Variants in LOC400499 observed in about 807,000 individuals in gnomAD.
At chr16:11,488,829 C>G in the LOC400499 span, 43 of 398,898 alleles carry the variant, frequency 1.1e-4, no homozygotes, top group African/African-American at 7.4e-4. Flanking sequence ...TCGTGCGTCT[C>G]CAGCAGCTGC....
chr16:11,402,051 C>T, the LOC400499 span: 6 of 399,192 alleles, frequency 1.5e-5, no homozygotes, highest in South Asian at 3.8e-4. Flanking sequence ...TCCCTGCCAT[C>T]CCAGCCGACA....
the LOC400499 span, among the ~76,000 whole-genome samples, chr16:11,491,404 G>A: frequency 3.3e-5 from 5 of 152,112 alleles, no homozygotes; most frequent in Non-Finnish European, 7.3e-5. Context: ...AGCTAAAAGA[G>A]GCCTCACTGA....
the LOC400499 span, among the ~76,000 whole-genome samples, chr16:11,508,125 C>T: frequency 6.6e-6 from 1 of 152,142 alleles, no homozygotes; most frequent in Admixed American, 6.6e-5. Context: ...ACTTTCCTCC[C>T]CCAGGGACTG....
At chr16:11,468,206 G>A in the LOC400499 span, among the ~76,000 whole-genome samples, 58,995 of 152,148 alleles carry the variant, frequency 0.39, 12,713 homozygotes, top group Non-Finnish European at 0.5. Context: ...CACAGTTAGC[G>A]TACTTTGTTA....
chr16:11,435,779 C>T, the LOC400499 span: 1 of 399,580 alleles, frequency 2.5e-6, no homozygotes, highest in Non-Finnish European at 4.4e-6. Flanking sequence ...AGTGTCCTGG[C>T]TGGCGTCGAC....
chr16:11,414,647 G>T, the LOC400499 span: 1 of 398,128 alleles, frequency 2.5e-6, no homozygotes, highest in South Asian at 1.4e-4. Context: ...GGCTGCCACA[G>T]CGTGGGTGCT....
At chr16:11,404,275 G>A in the LOC400499 span, among the ~76,000 whole-genome samples, 4 of 152,202 alleles carry the variant, frequency 2.6e-5, no homozygotes, top group Admixed American at 6.5e-5. Flanking sequence ...CTGTCTCCCT[G>A]AGGGGTGACA....
the LOC400499 span, among the ~76,000 whole-genome samples, chr16:11,435,188 G>C: frequency 2.0e-5 from 3 of 151,812 alleles, no homozygotes; most frequent in Admixed American, 6.6e-5. Context: ...ATGTTGTCCA[G>C]ACTGGTCTTG....
At chr16:11,396,666 C>T in the LOC400499 span, 1 of 1,231,894 alleles carries the variant, frequency 8.1e-7, no homozygotes, top group East Asian at 3.2e-5. Context: ...TCCCCGACGA[C>T]CAAGAGGGCC....
the LOC400499 span, chr16:11,478,684 A>T: frequency 2.5e-6 from 1 of 399,042 alleles, no homozygotes; most frequent in Admixed American, 4.4e-5. Flanking sequence ...CCTCCGGGTC[A>T]CCTGGGGGAG....
the LOC400499 span, chr16:11,523,681 A>G: frequency 2.7e-6 from 1 of 376,826 alleles, no homozygotes; most frequent in African/African-American, 2.1e-5. Flanking sequence ...GCTCTTGTTC[A>G]TCTTGGGTAC....
the LOC400499 span, among the ~76,000 whole-genome samples, chr16:11,520,049 A>G: frequency 6.6e-6 from 1 of 152,174 alleles, no homozygotes; most frequent in Non-Finnish European, 1.5e-5. Flanking sequence ...GCAAGTTCAT[A>G]GAGACAGAAA....
the LOC400499 span, chr16:11,424,991 G>A: frequency 8.6e-5 from 34 of 397,438 alleles, no homozygotes; most frequent in Non-Finnish European, 1.3e-4. Context: ...CAGGTGTGCC[G>A]GGGAAGCCAG....
At chr16:11,458,923 A>G in the LOC400499 span, among the ~76,000 whole-genome samples, 2 of 150,338 alleles carry the variant, frequency 1.3e-5, no homozygotes, top group Admixed American at 1.3e-4. Context: ...TGTAATCCCA[A>G]CTACTCAGGA....
chr16:11,392,043 G>A, the LOC400499 span: 1 of 401,022 alleles, frequency 2.5e-6, no homozygotes, highest in Non-Finnish European at 4.4e-6. Context: ...AGGCACCCAA[G>A]CCTTGAACCT....
At chr16:11,519,597 T>C in the LOC400499 span, among the ~76,000 whole-genome samples, 1 of 151,930 alleles carries the variant, frequency 6.6e-6, no homozygotes, top group Non-Finnish European at 1.5e-5. Flanking sequence ...TAAACAATAA[T>C]TTTTTTAAAG....
chr16:11,440,733 G>A, the LOC400499 span: 1 of 399,074 alleles, frequency 2.5e-6, no homozygotes, highest in Non-Finnish European at 4.4e-6. Context: ...CCTGGGATGT[G>A]ACGTTGTGAT....
chr16:11,405,071 G>A, the LOC400499 span, among the ~76,000 whole-genome samples: 1 of 152,196 alleles, frequency 6.6e-6, no homozygotes, highest in African/African-American at 2.4e-5. Flanking sequence ...TAGGTGAGGG[G>A]AGTATGGCCA....
chr16:11,460,951 C>A, the LOC400499 span: 127 of 1,521,226 alleles, frequency 8.3e-5, no homozygotes, highest in Non-Finnish European at 1.1e-4. Context: ...CAACCAGGCA[C>A]GCAGTGCCTT....
Sources: allele counts gnomAD v4.1 joint callset (sites outside exome capture counted in the v4.1 genomes callset), GRCh38; gene constraint gnomAD v4.1.1; transcripts MANE v1.5.